IDUA: variants seen among roughly 807,000 people sequenced by gnomAD.
IDUA encodes iduronidase alpha-L-.
In IDUA, 65 loss-of-function variants were observed where a neutral mutation model predicts 68.9. The observed-to-expected ratio is 0.94, with a 90% CI of 0.77 to 1.16. The LOEUF (loss-of-function observed/expected upper bound fraction) is 1.16, where lower values mean the gene tolerates loss of function less well. Among genes scored for constraint, IDUA ranks in the 50% most tolerant of loss-of-function variants. The probability of loss-of-function intolerance (pLI) is 0.00; values close to 1 mark genes in which losing one functional copy is unlikely to be tolerated. For missense variants in IDUA, 1,046 were observed against 938.0 expected (o/e 1.12, Z -1.50); for synonymous variants, 529 against 433.6 (o/e 1.22, Z -2.73).
chr4:997,118 C>T (rs1203724840), intron 2 of IDUA, among the ~76,000 whole-genome samples: 3 of 152,308 alleles, frequency 2.0e-5, no homozygotes, highest in East Asian at 3.9e-4. Flanking sequence ...GGAAGAAGCC[C>T]GGCCGACAGG....
At chr4:1,003,967 A>C (rs527939818) in intron 12 of IDUA, 45 bp from the exon 13 acceptor site, 2 of 1,492,298 alleles carry the variant, frequency 1.3e-6, no homozygotes, top group South Asian at 2.3e-5. Flanking sequence ...CCCACCTTTG[A>C]GGACTGTCTT....
At chr4:997,246 C>T (rs1281829157) in intron 2 of IDUA, among the ~76,000 whole-genome samples, 1 of 151,954 alleles carries the variant, frequency 6.6e-6, no homozygotes, top group Non-Finnish European at 1.5e-5. Context: ...CCCCTTCGTC[C>T]CGGCCACAGA....
chr4:990,700 A>C, intron 2 of IDUA: 1 of 414,940 alleles, frequency 2.4e-6, no homozygotes, highest in Non-Finnish European at 4.3e-6. Context: ...CTTCCTACAC[A>C]TGGTGCCCAC....
At chr4:1,003,951 C>A in intron 12 of IDUA, 61 bp from the exon 13 acceptor site, 1 of 1,389,270 alleles carries the variant, frequency 7.2e-7, no homozygotes, top group Non-Finnish European at 1.0e-6. Context: ...CCGTGCCCTG[C>A]CTGCTCCCAC....
intron 2 of IDUA, chr4:989,146 G>C (rs745684120): frequency 6.2e-7 from 1 of 1,607,712 alleles, no homozygotes; most frequent in African/African-American, 1.3e-5. Context: ...CGCAGCCCTG[G>C]TGCTAACCGG....
Position 1,000,170 on chromosome 4 carries a change from G to A in IDUA, c.300-442G>A, listed in dbSNP as rs150566476. The A allele has an allele frequency of 4.1e-3, 979 of 237,058 alleles. 33 individuals carry two copies. The South Asian group carries it at 0.051, about 12-fold the overall frequency. The allele number at this position is 237,058 out of a possible 1,614,324, so 14.7% of individuals were successfully genotyped here. A position where few individuals can be genotyped will look rare whatever the true frequency, so the allele number is the denominator to read the frequency against. ...CCATCTGCAAGTGCAGTGGCAGGGT[G>A]GCCCCCTTCTCCCTTTCCTGTGCAC... On this transcript the variant is annotated intron_variant, in intron 2 of 13. Coordinates refer to ENST00000514224, the MANE Select transcript of IDUA (RefSeq NM_000203.5).
At chr4:987,721 C>G in intron 1 of IDUA, 88 bp from the exon 2 acceptor site, 1 of 1,584,202 alleles carries the variant, frequency 6.3e-7, no homozygotes, top group African/African-American at 1.3e-5. Flanking sequence ...ATCCTGCGCC[C>G]GGGCAGTCCT....
chr4:995,056 T>TC (rs1434267951), intron 2 of IDUA, among the ~76,000 whole-genome samples: 2 of 151,620 alleles, frequency 1.3e-5, no homozygotes, highest in Admixed American at 1.3e-4. Flanking sequence ...CTTTTTTTTT[T>TC]TTTTTTGAGA....
At position 1,000,640 on chromosome 4, in the gene IDUA, A is replaced by G; in HGVS notation, c.328A>G (p.Asn110Asp). ...GTCCACTGGACGGGGCCTGAGCTAC[A>G]ACTTCACCCACCTGGACGGGTACCT... ...RGSTGRGLSY[N>D]FTHLDGYLDL... The change falls in exon 3 of 14, where the codon AAC (asparagine) becomes GAC (aspartate). Residue 110 changes from asparagine (N) to aspartate (D), a missense_variant. Asn to Asp is a conservative substitution (Grantham distance 23). Coordinates refer to ENST00000514224, the MANE Select transcript of IDUA (RefSeq NM_000203.5). 1 of 1,612,730 alleles carries G rather than the reference A, an allele frequency of 6.2e-7. No individual in the cohort carries two copies. The highest frequency in any genetic ancestry group is 8.5e-7 in the Non-Finnish European group (1 of 1,179,910).
At position 1,000,599 on chromosome 4, in the gene IDUA, C is replaced by T. The variant is rs368269074; in HGVS notation, c.300-13C>T. ...GGGCACCCTGCTTCCTGACGCTGAC[C>T]GTCCTTCTGCAGGGGGTCCACTGGA... On this transcript the variant is annotated splice_polypyrimidine_tract_variant and intron_variant, in intron 2 of 13. Transcript: ENST00000514224. 1.7e-5 allele frequency: 28 copies of T among 1,606,706 alleles called. No individual in the cohort carries two copies. The highest frequency in any genetic ancestry group is 9.4e-5 in the African/African-American group (7 of 74,808).
chr4:988,176 G>C, intron 2 of IDUA: 1 of 1,385,788 alleles, frequency 7.2e-7, no homozygotes, highest in Non-Finnish European at 9.3e-7. Flanking sequence ...TGCAGGCTCA[G>C]GGTTGGCTGC....
At chr4:990,633 G>A (rs2153017560) in intron 2 of IDUA, 4 of 505,902 alleles carry the variant, frequency 7.9e-6, no homozygotes, top group Admixed American at 3.7e-5. Context: ...ACGTGCAGCA[G>A]CCCGTTTTAT....
intron 2 of IDUA, among the ~76,000 whole-genome samples, chr4:998,869 A>G (rs1714900502): frequency 7.1e-6 from 1 of 141,218 alleles, no homozygotes; most frequent in Admixed American, 7.3e-5. Context: ...TCTGGGCACC[A>G]TACCTCTCTG....
Position 1,000,356 on chromosome 4 carries a change from C to A in IDUA, c.300-256C>A, listed in dbSNP as rs115052197. On this transcript the variant is annotated intron_variant, in intron 2 of 13. Transcript: ENST00000514224. Reference sequence around the variant, plus strand: ...TGCCTCGTGCCACTGAGCCTCAGAGCCATTCCGAACCCCCACCCCAAGTTT... The same window carrying A: ...TGCCTCGTGCCACTGAGCCTCAGAGACATTCCGAACCCCCACCCCAAGTTT... 2.5e-3 allele frequency among the ~76,000 whole-genome samples: 381 copies of A among 152,368 alleles called. 1 individual carries two copies. The highest frequency in any genetic ancestry group is 8.5e-3 in the African/African-American group (353 of 41,596).
chr4:1,002,707 G>A, intron 8 of IDUA, 25 bp from the exon 9 acceptor site: 1 of 1,434,778 alleles, frequency 7.0e-7, no homozygotes, highest in Non-Finnish European at 9.3e-7. Flanking sequence ...ACCCCACGCG[G>A]CGACGGCCCC....
chr4:990,798 C>G, intron 2 of IDUA: 1 of 403,706 alleles, frequency 2.5e-6, no homozygotes, highest in South Asian at 4.4e-5. Flanking sequence ...CCATCCCCCA[C>G]TCCACCTAGG....
Position 1,001,247 on chromosome 4 carries a change from TGCACCCCTATCACCCAGGCC to T in IDUA, c.494-198_494-179del, listed in dbSNP as rs3832289. 0.18 allele frequency: 116,185 copies of T among 635,742 alleles called. 11,332 individuals are homozygous for T. Among genetic ancestry groups the T allele is most frequent in the Non-Finnish European group, 0.2 (71,326 of 353,898 alleles). 39.4% of individuals were successfully genotyped at this position (635,742 alleles called of 1,614,324 possible). ...GGGTGGGGGGTACTCCTGGGCAGGCTGCACCCCTATCACCCAGGCCGCACCCCTATCACCCAGGCCGCCGC... is the reference window on the plus strand; with the variant it reads ...GGGTGGGGGGTACTCCTGGGCAGGCTGCACCCCTATCACCCAGGCCGCCGC... On this transcript the variant is annotated intron_variant, in intron 4 of 13. Transcript: ENST00000514224.
chr4:990,142 G>T (rs1368231716), intron 2 of IDUA: 2 of 1,569,012 alleles, frequency 1.3e-6, no homozygotes, highest in South Asian at 1.2e-5. Context: ...CACCGTGCTG[G>T]TGACCACGTC....
At chr4:988,196 G>C in intron 2 of IDUA, 1 of 1,361,710 alleles carries the variant, frequency 7.3e-7, no homozygotes, top group Non-Finnish European at 9.5e-7. Context: ...CGCCGCACCT[G>C]GCTCCTGGTG....
Sources: allele counts gnomAD v4.1 joint callset (sites outside exome capture counted in the v4.1 genomes callset), GRCh38; gene constraint gnomAD v4.1.1; transcripts MANE v1.5; gene names NCBI Gene and HGNC (gene_info 2026-07-23, HGNC 2026-07-21).